TJP1: variants seen among roughly 807,000 people sequenced by gnomAD.
TJP1 encodes tight junction protein 1, also known as tight junction protein ZO-1.
A neutral mutation model predicts 194.2 loss-of-function variants in TJP1; 43 were observed. The observed-to-expected ratio is 0.22, with a 90% CI of 0.17 to 0.29. TJP1 has a LOEUF of 0.29. Among genes scored for constraint, TJP1 ranks in the 10% least tolerant of loss-of-function variants. The pLI, the probability that TJP1 is intolerant of heterozygous loss-of-function variation, is 1.00. For synonymous variants in TJP1, 801 were observed against 779.0 expected, an observed-to-expected ratio of 1.03 and a Z score of -0.47; for missense variants, 1,971 against 2,185.7, an observed-to-expected ratio of 0.90 and a Z score of 1.96.
chr15:29,865,117 A>G (rs2052255783), intron 2 of TJP1, among the ~76,000 whole-genome samples: 1 of 152,214 alleles, frequency 6.6e-6, no homozygotes, highest in African/African-American at 2.4e-5. Flanking sequence ...TAACAGGATA[A>G]GCAATCCGTA....
At chr15:29,829,842 T>A (rs998522377) in intron 2 of TJP1, among the ~76,000 whole-genome samples, 4 of 151,964 alleles carry the variant, frequency 2.6e-5, no homozygotes, top group Non-Finnish European at 2.9e-5. Context: ...TAAAAATGTT[T>A]TAAAGGACGA....
At chr15:29,768,222 C>T (rs966685620) in intron 4 of TJP1, among the ~76,000 whole-genome samples, 10 of 152,174 alleles carry the variant, frequency 6.6e-5, no homozygotes, top group African/African-American at 2.2e-4. Flanking sequence ...GGATGAGAAA[C>T]AGCAGAGGCC....
Position 29,762,241 on chromosome 15 carries a change from G to T in TJP1, c.693+94C>A, listed in dbSNP as rs1411476502. 4 of 1,014,536 alleles carry T rather than the reference G, an allele frequency of 3.9e-6. No homozygotes were observed. The East Asian group carries it at 7.5e-5, about 19-fold the overall frequency. 62.8% of individuals were successfully genotyped at this position (1,014,536 alleles called of 1,614,324 possible). On this transcript the variant is annotated intron_variant, in intron 6 of 27. Transcript: ENST00000614355. Reference sequence around the variant, plus strand: ...CAAACACTGATTTTTAATTCTCTTTGGCAAAACTGCTTCAAACAAGAGCAC... The same window carrying T: ...CAAACACTGATTTTTAATTCTCTTTTGCAAAACTGCTTCAAACAAGAGCAC...
chr15:29,860,106 G>A (rs2052018498), intron 2 of TJP1, among the ~76,000 whole-genome samples: 1 of 152,178 alleles, frequency 6.6e-6, no homozygotes, highest in South Asian at 2.1e-4. Flanking sequence ...CAAGGGGCAG[G>A]AATGCCCAGA....
intron 25 of TJP1, among the ~76,000 whole-genome samples, 169 bp from the exon 26 acceptor site, chr15:29,705,914 G>C (rs962012088): frequency 2.0e-5 from 3 of 152,138 alleles, no homozygotes; most frequent in Non-Finnish European, 1.5e-5. Context: ...TTATCGCAGA[G>C]AATATTATTT....
intron 2 of TJP1, among the ~76,000 whole-genome samples, chr15:29,794,705 T>C (rs140471123): frequency 7.2e-5 from 11 of 152,350 alleles, no homozygotes; most frequent in African/African-American, 2.4e-4. Context: ...AGGTGTCTTA[T>C]GTTATTTTGC....
At chr15:29,810,880 C>T (rs1269824779) in intron 1 of TJP1, among the ~76,000 whole-genome samples, 1 of 152,144 alleles carries the variant, frequency 6.6e-6, no homozygotes, top group East Asian at 1.9e-4. Context: ...TGAGAGTTTC[C>T]TATGTACTAG....
chr15:29,895,967 A>T (rs1252038464), intron 2 of TJP1, among the ~76,000 whole-genome samples: 1 of 152,084 alleles, frequency 6.6e-6, no homozygotes, highest in Non-Finnish European at 1.5e-5. Context: ...TCCTCACGTG[A>T]TGTAAGGAGG....
chr15:29,918,593 C>A (rs1325654942), intron 2 of TJP1, among the ~76,000 whole-genome samples: 1 of 152,056 alleles, frequency 6.6e-6, no homozygotes, highest in Non-Finnish European at 1.5e-5. Context: ...AAAAAATTAG[C>A]CAGGTGTGGC....
chr15:29,699,391 C>T (rs1215564821), downstream of TJP1: 1 of 152,126 alleles, frequency 6.6e-6, no homozygotes, highest in South Asian at 2.1e-4. Context: ...ATTTATATGA[C>T]ACTGTCAAAA....
intron 1 of TJP1, chr15:29,820,458 A>C (rs1380136750): frequency 1.1e-5 from 8 of 710,486 alleles, no homozygotes; most frequent in Non-Finnish European, 2.1e-5. Context: ...CGTAATATTT[A>C]ACGAGTGATG....
intron 27 of TJP1, 51 bp downstream of exon 27, chr15:29,704,111 A>G (rs45595236): frequency 0.019 from 29,831 of 1,530,560 alleles, 411 homozygotes; most frequent in South Asian, 0.05. Context: ...CCCAGGTATT[A>G]ATCAACGACA....
chr15:29,949,880 A>T (rs868616683), intron 2 of TJP1, among the ~76,000 whole-genome samples: 3 of 30,140 alleles, frequency 1.0e-4, no homozygotes, highest in South Asian at 1.3e-3. Flanking sequence ...CACCTCCACA[A>T]CCACCACCTC....
intron 2 of TJP1, among the ~76,000 whole-genome samples, chr15:29,950,319 TCAC>T (rs2055694953): frequency 9.9e-6 from 1 of 100,674 alleles, no homozygotes; most frequent in Admixed American, 9.0e-5. Context: ...ACCACCTCCT[TCAC>T]CACCACTTCC....
At position 29,733,276 on chromosome 15, in the gene TJP1, A is replaced by T. The variant is rs1289604161; in HGVS notation, c.1554T>A (p.Ser518=). 1.2e-6 allele frequency: 2 copies of T among 1,613,662 alleles called. No individual in the cohort carries two copies. The highest frequency in any genetic ancestry group is 8.5e-7 in the Non-Finnish European group (1 of 1,179,652). ...ATTCAAAATGGGTTCTAATATAGAA[A>T]GAATCTCCTACATCTGATTCTACAA... The part of the protein sequence containing the change: ...RRIVESDVGD[S]FYIRTHFEYE... Residue 518 remains serine (S), a synonymous_variant, in exon 13 of 28, where the codon TCT becomes TCA. Transcript: ENST00000614355.
At chr15:29,814,441 T>A (rs1337539634) in intron 1 of TJP1, among the ~76,000 whole-genome samples, 4 of 152,202 alleles carry the variant, frequency 2.6e-5, no homozygotes. Context: ...TAGTCATTAC[T>A]GGTATCCTCC....
At chr15:29,950,143 AACC>A (rs1333411013) in intron 2 of TJP1, among the ~76,000 whole-genome samples, 431 of 10,356 alleles carry the variant, frequency 0.042, 87 homozygotes, top group Middle Eastern at 0.1. Flanking sequence ...CCACCACCAC[AACC>A]ACCACCTCCA....
intron 2 of TJP1, among the ~76,000 whole-genome samples, chr15:29,907,644 A>G (rs1181696357): frequency 6.6e-6 from 1 of 152,164 alleles, no homozygotes; most frequent in Non-Finnish European, 1.5e-5. Flanking sequence ...GCAAGGGTCT[A>G]AGAAACCTAA....
rs45602341 is a variant in TJP1, at chr15:29,737,324, G to T, written c.1347C>A (p.Gly449=). Reference sequence around the variant, plus strand: ...TGGCTGCAGGGCTATCTTCTAGAACGCCAGCTACAAATATTCCAACATCAT... The same window carrying T: ...TGGCTGCAGGGCTATCTTCTAGAACTCCAGCTACAAATATTCCAACATCAT... ...GGNDVGIFVA[G]VLEDSPAAKE... Residue 449 remains glycine, a synonymous_variant, in exon 11 of 28, where the codon GGC becomes GGA. Transcript: ENST00000614355. 1.2e-6 allele frequency: 2 copies of T among 1,614,108 alleles called. No homozygotes were observed. Among genetic ancestry groups the T allele is most frequent in the East Asian group, 2.2e-5 (1 of 44,878 alleles).
Sources: gnomAD v4.1 joint callset for allele counts (sites outside exome capture counted in the v4.1 genomes callset) on GRCh38, gnomAD v4.1.1 for gene constraint, MANE v1.5 for transcripts, NCBI Gene and HGNC (gene_info 2026-07-23, HGNC 2026-07-21) for gene names.